Variants in SBF2 observed in about 807,000 individuals in gnomAD.
SBF2 encodes the protein myotubularin-related protein 13.
In SBF2, 112 loss-of-function variants were observed where a neutral mutation model predicts 225.2. The observed-to-expected ratio is 0.50, with a 90% CI of 0.43 to 0.58. The LOEUF (loss-of-function observed/expected upper bound fraction) is 0.58. Among genes scored for constraint, SBF2 ranks in the 20% least tolerant of loss-of-function variants. The probability of loss-of-function intolerance (pLI) is 0.00; values close to 1 mark genes in which losing one functional copy is unlikely to be tolerated. For missense variants in SBF2, 1,996 were observed against 2,206.2 expected (o/e 0.90, Z 1.91); for synonymous variants, 763 against 773.3 (o/e 0.99, Z 0.22).
intron 1 of SBF2, among the ~76,000 whole-genome samples, chr11:10,210,356 AAGGAGGAGGAGGGAG>A (rs1188044923): frequency 2.0e-5 from 3 of 151,886 alleles, no homozygotes; most frequent in Admixed American, 6.6e-5. Flanking sequence ...AAGAGGAAGA[AAGGAGGAGGAGGGAG>A]AGGAGGAGGA....
chr11:9,879,633 T>C (rs1484653221), intron 17 of SBF2, among the ~76,000 whole-genome samples: 4 of 151,478 alleles, frequency 2.6e-5, no homozygotes, highest in African/African-American at 9.8e-5. Flanking sequence ...AATTTATAGT[T>C]GAATTCATGT....
Position 10,294,207 on chromosome 11 carries a change from C to G in SBF2, c.-138G>C, listed in dbSNP as rs894128141. 1.2e-5 allele frequency: 7 copies of G among 603,710 alleles called. No homozygotes were observed. The East Asian group carries it at 1.9e-4, about 16-fold the overall frequency. The allele number at this position is 603,710 out of a possible 1,614,324, so 37.4% of individuals were successfully genotyped here. A position where few individuals can be genotyped will look rare whatever the true frequency, so the allele number is the denominator to read the frequency against. On this transcript the variant is annotated 5_prime_UTR_variant, in exon 1 of 40. Coordinates refer to ENST00000256190, the MANE Select transcript of SBF2 (RefSeq NM_030962.4). Reference sequence around the variant, plus strand: ...CAGCGCTTCAGCCATGTTTGACAACCGAGGCGCGCTCTGCGCTTGCGCGGC... The same window carrying G: ...CAGCGCTTCAGCCATGTTTGACAACGGAGGCGCGCTCTGCGCTTGCGCGGC...
intron 1 of SBF2, among the ~76,000 whole-genome samples, chr11:10,274,938 G>C (rs182222502): frequency 2.6e-5 from 4 of 152,248 alleles, no homozygotes; most frequent in African/African-American, 4.8e-5. Context: ...GCACGTCAGT[G>C]GAAGCAATAT....
At chr11:10,169,014 G>A (rs1455754979) in intron 2 of SBF2, among the ~76,000 whole-genome samples, 1 of 152,078 alleles carries the variant, frequency 6.6e-6, no homozygotes, top group Non-Finnish European at 1.5e-5. Context: ...GAAAAATACT[G>A]AAGCTGTTAG....
chr11:9,974,826 G>A (rs995070476), intron 13 of SBF2, among the ~76,000 whole-genome samples: 4 of 151,348 alleles, frequency 2.6e-5, no homozygotes. Context: ...CAGGTGTGGT[G>A]GTGTATGCCT....
intron 16 of SBF2, among the ~76,000 whole-genome samples, chr11:9,900,845 TCC>T (rs1165517881): frequency 1.6e-4 from 25 of 152,200 alleles, no homozygotes; most frequent in Non-Finnish European, 2.9e-5. Flanking sequence ...CAAGCGATCC[TCC>T]TGCCTCAGCC....
At chr11:10,004,530 A>G (rs1392445704) in intron 6 of SBF2, among the ~76,000 whole-genome samples, 1 of 150,252 alleles carries the variant, frequency 6.7e-6, no homozygotes, top group Non-Finnish European at 1.5e-5. Context: ...TGCACCAGGA[A>G]AACCAACCTC....
intron 2 of SBF2, among the ~76,000 whole-genome samples, chr11:10,129,100 CTTTTTTTTT>C (rs757476668): frequency 2.2e-5 from 2 of 89,942 alleles, no homozygotes; most frequent in Admixed American, 1.4e-4. Flanking sequence ...AATTTTCTCT[CTTTTTTTTT>C]TTTTTTTTTT....
chr11:9,963,824 G>A lies in SBF2; in HGVS notation c.1659C>T (p.Val553=). 1 of 1,610,848 alleles carries A rather than the reference G, an allele frequency of 6.2e-7. No individual in the cohort carries two copies. Among genetic ancestry groups the A allele is most frequent in the Non-Finnish European group, 8.5e-7 (1 of 1,177,578 alleles). ...VFNSAQRLEV[V]RNCISFIFEN... ...CAAATATGAATGAGATACAGTTTCT[G>A]ACAACTTCTAGTCTTTGTGCACTGT... The change falls in exon 15 of 40, where the codon GTC becomes GTT. Residue 553 remains valine, a synonymous_variant. Transcript: ENST00000256190.
intron 2 of SBF2, among the ~76,000 whole-genome samples, chr11:10,095,097 T>G (rs1951962910): frequency 6.6e-6 from 1 of 152,046 alleles, no homozygotes; most frequent in South Asian, 2.1e-4. Flanking sequence ...GCTAAATTTT[T>G]TTTTTTGTAC....
At chr11:10,088,931 G>C (rs374247256) in intron 2 of SBF2, among the ~76,000 whole-genome samples, 3 of 152,118 alleles carry the variant, frequency 2.0e-5, no homozygotes, top group East Asian at 3.8e-4. Flanking sequence ...GCATATAGTG[G>C]TTGTTCAATA....
At chr11:9,975,906 A>G (rs1459683369) in intron 13 of SBF2, among the ~76,000 whole-genome samples, 1 of 152,160 alleles carries the variant, frequency 6.6e-6, no homozygotes, top group Non-Finnish European at 1.5e-5. Flanking sequence ...AGTGAAATTA[A>G]CATTTTGCGG....
At chr11:10,199,659 T>C (rs1173504327) in intron 1 of SBF2, among the ~76,000 whole-genome samples, 4 of 152,182 alleles carry the variant, frequency 2.6e-5, no homozygotes, top group African/African-American at 9.6e-5. Flanking sequence ...CCAGGTGCAC[T>C]GGCTCACACC....
chr11:10,165,278 T>G (rs2135224668), intron 2 of SBF2, among the ~76,000 whole-genome samples: 1 of 152,330 alleles, frequency 6.6e-6, no homozygotes, highest in Admixed American at 6.5e-5. Flanking sequence ...TTGTAAGATA[T>G]AATGCATTGC....
intron 2 of SBF2, among the ~76,000 whole-genome samples, chr11:10,127,808 TAAGA>T (rs1271644033): frequency 6.6e-6 from 1 of 152,132 alleles, no homozygotes; most frequent in Non-Finnish European, 1.5e-5. Flanking sequence ...CACAAGTGGT[TAAGA>T]GCTCAAGATC....
chr11:9,845,687 A>G lies in SBF2; in HGVS notation c.2988T>C (p.Phe996=). 4 of 1,613,966 alleles carry G rather than the reference A, an allele frequency of 2.5e-6. No individual in the cohort carries two copies. Among genetic ancestry groups the G allele is most frequent in the Non-Finnish European group, 3.4e-6 (4 of 1,179,842 alleles). Reference sequence around the variant, plus strand: ...AACGGAACTTCATCAGCTGTTTCTTAAAGATCTCTACTACTTCTGGACTGA... The same window carrying G: ...AACGGAACTTCATCAGCTGTTTCTTGAAGATCTCTACTACTTCTGGACTGA... ...EEVSPEVVEI[F]KKQLMKFRYP... Residue 996 remains phenylalanine, a synonymous_variant, in exon 24 of 40, where the codon TTT becomes TTC. Coordinates refer to ENST00000256190, the MANE Select transcript of SBF2 (RefSeq NM_030962.4).
intron 2 of SBF2, among the ~76,000 whole-genome samples, chr11:10,158,125 A>G (rs1190066905): frequency 1.3e-5 from 2 of 152,346 alleles, no homozygotes; most frequent in African/African-American, 2.4e-5. Context: ...AAGTAAAAAA[A>G]TATCTTGAGA....
intron 13 of SBF2, among the ~76,000 whole-genome samples, chr11:9,980,821 C>T (rs1333720933): frequency 6.6e-6 from 1 of 152,170 alleles, no homozygotes; most frequent in Non-Finnish European, 1.5e-5. Context: ...CTGCCTCGGC[C>T]TCCCAAAGTG....
chr11:10,006,929 G>C (rs1043909505), intron 6 of SBF2, among the ~76,000 whole-genome samples: 1 of 152,222 alleles, frequency 6.6e-6, no homozygotes, highest in Non-Finnish European at 1.5e-5. Flanking sequence ...GCTCCAAGTT[G>C]AGAGTCACTG....
Sources: gnomAD v4.1 joint callset for allele counts (sites outside exome capture counted in the v4.1 genomes callset) on GRCh38, gnomAD v4.1.1 for gene constraint, MANE v1.5 for transcripts, NCBI Gene and HGNC (gene_info 2026-07-23, HGNC 2026-07-21) for gene names.